Variants in CAB39 observed in about 807,000 individuals in gnomAD.
The protein encoded by CAB39 is calcium binding protein 39.
CAB39 carries 8 observed loss-of-function variants against 40.0 expected under a neutral mutation model. The ratio of observed to expected loss-of-function variants is 0.20; its 90% CI spans 0.12 to 0.36. The LOEUF is 0.36. CAB39 is among the 10% of genes least tolerant of loss of function. The pLI is 1.00. For synonymous variants in CAB39, 156 were observed against 141.6 expected (o/e 1.10, Z -0.72); for missense variants, 270 against 401.1 (o/e 0.67, Z 2.79).
At chr2:230,720,742 A>G (rs1264716472) in intron 1 of CAB39, among the ~76,000 whole-genome samples, 1 of 152,166 alleles carries the variant, frequency 6.6e-6, no homozygotes, top group Non-Finnish European at 1.5e-5. Flanking sequence ...AATGCCCCTT[A>G]TGCTAGGTAC....
intron 1 of CAB39, chr2:230,752,247 CA>C (rs77241916): frequency 1.8e-3 from 244 of 139,180 alleles, no homozygotes; most frequent in East Asian, 3.4e-3. Flanking sequence ...TACATATTTA[CA>C]AAAAAAAAAA....
chr2:230,770,871 A>G (rs1438297789), intron 2 of CAB39, among the ~76,000 whole-genome samples: 1 of 152,132 alleles, frequency 6.6e-6, no homozygotes, highest in Non-Finnish European at 1.5e-5. Flanking sequence ...GCAAACTAGA[A>G]ATAGAGGAAG....
intron 1 of CAB39, among the ~76,000 whole-genome samples, chr2:230,717,200 AATATC>A (rs1352330074): frequency 2.2e-4 from 34 of 152,164 alleles, no homozygotes; most frequent in Non-Finnish European, 5.9e-5. Context: ...GTGGGGAAAA[AATATC>A]AAATCTGAAT....
At chr2:230,804,633 G>A (rs1390189398) in intron 5 of CAB39, among the ~76,000 whole-genome samples, 4 of 152,184 alleles carry the variant, frequency 2.6e-5, no homozygotes, top group African/African-American at 9.6e-5. Flanking sequence ...GCAGCCAACA[G>A]ACACATGAAA....
chr2:230,814,417 C>T (rs543707122), intron 7 of CAB39, among the ~76,000 whole-genome samples: 1 of 152,288 alleles, frequency 6.6e-6, no homozygotes, highest in South Asian at 2.1e-4. Flanking sequence ...GATGAAGGCA[C>T]TCCAGGTGCT....
chr2:230,748,834 ATATAT>A (rs1559597047), intron 1 of CAB39, among the ~76,000 whole-genome samples: 52 of 53,920 alleles, frequency 9.6e-4, no homozygotes, highest in African/African-American at 3.2e-3. Context: ...AAAAAAAAAT[ATATAT>A]ATATATATAT....
At chr2:230,759,474 C>T (rs1254361963) in intron 1 of CAB39, among the ~76,000 whole-genome samples, 1 of 152,188 alleles carries the variant, frequency 6.6e-6, no homozygotes, top group Non-Finnish European at 1.5e-5. Context: ...TGATTAAGGA[C>T]GCTTTGGATC....
At chr2:230,800,083 C>T (rs993137471) in intron 5 of CAB39, among the ~76,000 whole-genome samples, 3 of 151,960 alleles carry the variant, frequency 2.0e-5, no homozygotes, top group South Asian at 2.1e-4. Flanking sequence ...GATATGCAGA[C>T]GACCATGCTC....
intron 4 of CAB39, among the ~76,000 whole-genome samples, chr2:230,797,481 T>C (rs1292854555): frequency 7.3e-6 from 1 of 137,436 alleles, no homozygotes; most frequent in African/African-American, 2.8e-5. Context: ...ACTGGGTAAC[T>C]GAAACAAAAT....
At chr2:230,780,122 G>C (rs952530378) in intron 2 of CAB39, among the ~76,000 whole-genome samples, 5 of 152,166 alleles carry the variant, frequency 3.3e-5, no homozygotes, top group African/African-American at 1.2e-4. Flanking sequence ...GGGGGTACCT[G>C]AGTCAAAGCT....
At chr2:230,764,926 T>A (rs1695358379) in intron 2 of CAB39, among the ~76,000 whole-genome samples, 1 of 152,250 alleles carries the variant, frequency 6.6e-6, no homozygotes, top group Non-Finnish European at 1.5e-5. Context: ...GTATGTATAT[T>A]CAAAGGTCAA....
At chr2:230,725,229 A>C (rs1694542603) in intron 1 of CAB39, 1 of 1,592,682 alleles carries the variant, frequency 6.3e-7, no homozygotes, top group African/African-American at 1.3e-5. Context: ...CATTCCCGGT[A>C]GAGGTCTTCA....
At chr2:230,724,637 C>T (rs1452914094) in intron 1 of CAB39, among the ~76,000 whole-genome samples, 2 of 148,354 alleles carry the variant, frequency 1.3e-5, no homozygotes, top group Admixed American at 6.8e-5. Flanking sequence ...GCCAAGATCG[C>T]GCCATTGCAC....
chr2:230,818,111 A>G (rs1295622752), intron 8 of CAB39: 5 of 524,682 alleles, frequency 9.5e-6, no homozygotes, highest in East Asian at 3.3e-5. Flanking sequence ...GTTTGTTCAT[A>G]GAAGAGTGTC....
At chr2:230,756,752 G>C (rs1456198070) in intron 1 of CAB39, among the ~76,000 whole-genome samples, 2 of 151,946 alleles carry the variant, frequency 1.3e-5, no homozygotes, top group Non-Finnish European at 2.9e-5. Context: ...GAGTGCAGTG[G>C]CGTGATCTTA....
At chr2:230,757,098 G>A (rs189396212) in intron 1 of CAB39, among the ~76,000 whole-genome samples, 1 of 151,996 alleles carries the variant, frequency 6.6e-6, no homozygotes, top group African/African-American at 2.4e-5. Flanking sequence ...AGTTGTTACT[G>A]TGTTTCTTTT....
intron 2 of CAB39, among the ~76,000 whole-genome samples, chr2:230,763,199 A>G (rs1234521703): frequency 1.3e-5 from 2 of 152,218 alleles, no homozygotes; most frequent in Non-Finnish European, 2.9e-5. Flanking sequence ...AAGTTTTGAA[A>G]ATCTCCGTGT....
At chr2:230,737,484 C>T (rs1694807227) in intron 1 of CAB39, among the ~76,000 whole-genome samples, 1 of 152,138 alleles carries the variant, frequency 6.6e-6, no homozygotes, top group Admixed American at 6.5e-5. Context: ...ACAATAACCC[C>T]AGCATTTGGG....
chr2:230,755,083 C>T (rs1695167955), intron 1 of CAB39, among the ~76,000 whole-genome samples: 1 of 152,104 alleles, frequency 6.6e-6, no homozygotes, highest in Non-Finnish European at 1.5e-5. Context: ...ACACACTCAA[C>T]AGTTTCTTTA....
Sources: gnomAD v4.1 joint callset for allele counts (sites outside exome capture counted in the v4.1 genomes callset) on GRCh38, gnomAD v4.1.1 for gene constraint, MANE v1.5 for transcripts, NCBI Gene and HGNC (gene_info 2026-07-23, HGNC 2026-07-21) for gene names.